DYNC2H1: variants seen among roughly 807,000 people sequenced by gnomAD.
DYNC2H1 encodes the protein cytoplasmic dynein 2 heavy chain 1.
DYNC2H1 carries 410 observed loss-of-function variants against 570.0 expected under a neutral mutation model. The observed-to-expected ratio is 0.72, with a 90% confidence interval of 0.66 to 0.78. DYNC2H1 has a LOEUF of 0.78. Among genes scored for constraint, DYNC2H1 ranks in the 30% least tolerant of loss-of-function variants. The pLI, the probability that DYNC2H1 is intolerant of heterozygous loss-of-function variation, is 0.00. For synonymous variants in DYNC2H1, 1,688 were observed against 1,677.6 expected (o/e 1.01, Z -0.15); for missense variants, 4,865 against 5,046.4 (o/e 0.96, Z 1.09).
intron 40 of DYNC2H1, among the ~76,000 whole-genome samples, chr11:103,184,196 A>C (rs886550404): frequency 6.6e-6 from 1 of 151,908 alleles, no homozygotes; most frequent in Non-Finnish European, 1.5e-5. Context: ...CTCTTACCAC[A>C]ATTTGTTAAC....
At chr11:103,210,369 T>A (rs1211477194) in intron 53 of DYNC2H1, among the ~76,000 whole-genome samples, 9 of 151,996 alleles carry the variant, frequency 5.9e-5, no homozygotes, top group African/African-American at 1.7e-4. Context: ...CTTAATCTTC[T>A]TAACTATAAT....
rs774551570 is a variant in DYNC2H1, at chr11:103,173,325, A to ATATTTT, written c.5558+24_5558+29dup. The ATATTTT allele has an allele frequency of 6.9e-7, 1 of 1,439,986 alleles. No homozygotes were observed. The highest frequency in any genetic ancestry group is 1.5e-5 in the South Asian group (1 of 67,890). The allele number at this position is 1,439,986 out of a possible 1,614,324, so 89.2% of individuals were successfully genotyped here. A position where few individuals can be genotyped will look rare whatever the true frequency, so the allele number is the denominator to read the frequency against. ...ATCTAGGTGAGTTTTCTTGTTCTAA[A>ATATTTT]TATTTTTATATTTTACATTTCTAAT... On this transcript the variant is annotated intron_variant, in intron 35 of 88. Transcript: ENST00000375735.
intron 86 of DYNC2H1, 47 bp from the exon 87 acceptor site, chr11:103,456,228 A>T: frequency 6.9e-7 from 1 of 1,440,736 alleles, no homozygotes; most frequent in South Asian, 1.3e-5. Context: ...TCATATTTTA[A>T]TTCCTAAGGA....
Position 103,164,177 on chromosome 11 carries a change from G to A in DYNC2H1, c.4611+1030G>A, listed in dbSNP as rs551502121. 7.2e-5 allele frequency among the ~76,000 whole-genome samples: 11 copies of A among 151,826 alleles called. No homozygotes were observed. In the South Asian group the frequency reaches 2.1e-3, roughly 29 times the overall value. The stretch of plus-strand genomic sequence containing the variant: ...AAATCAACTTAGAATAAAAGACACA[G>A]TATACAAAAAGTCTACAAAAGCAAT... On this transcript the variant is annotated intron_variant, in intron 30 of 88. Transcript: ENST00000375735.
chr11:103,288,706 A>AAAAAAAG (rs1866457408), intron 75 of DYNC2H1, among the ~76,000 whole-genome samples: 3 of 147,650 alleles, frequency 2.0e-5, no homozygotes, highest in Non-Finnish European at 4.5e-5. Flanking sequence ...AAAAAAAAAA[A>AAAAAAAG]AAAAGAAAAG....
At chr11:103,460,454 A>G (rs377246146) in intron 87 of DYNC2H1, among the ~76,000 whole-genome samples, 1 of 137,298 alleles carries the variant, frequency 7.3e-6, no homozygotes, top group East Asian at 2.4e-4. Flanking sequence ...CCAAGCTTAT[A>G]TAATTGTTTT....
At position 103,288,904 on chromosome 11, in the gene DYNC2H1, A is replaced by T. The variant is rs150148500; in HGVS notation, c.11095+1299A>T. Among the ~76,000 whole-genome samples, 560 of 151,084 alleles carry T rather than the reference A, an allele frequency of 3.7e-3. 8 individuals are homozygous for T. The highest frequency in any genetic ancestry group is 0.013 in the African/African-American group (537 of 41,166). On this transcript the variant is annotated intron_variant, in intron 75 of 88. Transcript: ENST00000375735. ...TCAAAAAAAAAAAAAAAAGAAAGAA[A>T]ATTATGGTTTAGGGGTCATGCAGCC... is the stretch of plus-strand genomic sequence containing the variant.
chr11:103,401,929 A>T (rs1565566043), intron 84 of DYNC2H1: 1 of 152,166 alleles, frequency 6.6e-6, no homozygotes. Flanking sequence ...GGAATAAGAT[A>T]TTTCAAGATG....
intron 83 of DYNC2H1, among the ~76,000 whole-genome samples, chr11:103,375,307 A>T (rs1177653552): frequency 6.6e-6 from 1 of 152,160 alleles, no homozygotes; most frequent in Admixed American, 6.5e-5. Context: ...CCTCTTGGAG[A>T]ACCTCTGCTA....
intron 82 of DYNC2H1, among the ~76,000 whole-genome samples, chr11:103,328,821 C>A (rs555484650): frequency 1.3e-5 from 2 of 152,286 alleles, no homozygotes; most frequent in South Asian, 4.1e-4. Flanking sequence ...CTCTTTTCCT[C>A]AACTTTTCCA....
intron 82 of DYNC2H1, among the ~76,000 whole-genome samples, chr11:103,349,681 AG>A (rs1383908824): frequency 3.9e-5 from 6 of 152,166 alleles, no homozygotes; most frequent in Non-Finnish European, 8.8e-5. Context: ...CTTCGGTGAC[AG>A]GTTCATTCTC....
rs1475967791 is a variant in DYNC2H1, at chr11:103,420,112, A to T, written c.12367-15831A>T. Among the ~76,000 whole-genome samples, 4 of 152,130 alleles carry T rather than the reference A, an allele frequency of 2.6e-5. No homozygotes were observed. The East Asian group carries it at 7.7e-4, about 29-fold the overall frequency. The stretch of plus-strand genomic sequence containing the variant: ...AAAAAGAATGGAAAGGAATGAATAA[A>T]ACCTCCGAGAAATATGGGGCTATGT... On this transcript the variant is annotated intron_variant, in intron 84 of 88. Coordinates refer to ENST00000375735, the MANE Select transcript of DYNC2H1 (RefSeq NM_001377.3).
In DYNC2H1 at chr11:103,135,896, G is replaced by A; in HGVS notation, c.2522G>A (p.Ser841Asn). The A allele has an allele frequency of 6.2e-7, 1 of 1,612,844 alleles. No homozygotes were observed. The highest frequency in any genetic ancestry group is 1.3e-5 in the African/African-American group (1 of 75,010). ...GCAAGTGGATTTTTGACGATTTTCA[G>A]CAAAGCAGAAGATCTGTTTAGAAGA... ...RNASGFLTIF[S>N]KAEDLFRRLS... The change falls in exon 17 of 89, where the codon AGC (serine) becomes AAC (asparagine). Residue 841 changes from serine to asparagine, a missense_variant. Coordinates refer to ENST00000375735, the MANE Select transcript of DYNC2H1 (RefSeq NM_001377.3).
chr11:103,113,723 G>A lies in DYNC2H1; in HGVS notation c.366+16G>A, dbSNP rs753256254. 51 of 1,487,816 alleles carry A rather than the reference G, an allele frequency of 3.4e-5. No homozygotes were observed. The highest frequency in any genetic ancestry group is 4.5e-5 in the Non-Finnish European group (51 of 1,125,318). 92.2% of individuals were successfully genotyped at this position (1,487,816 alleles called of 1,614,324 possible). ...GTTGTTAAAGGTGAGAAAAGAAGCTGTCATTTTTTTTAACTGAGGTATTTG... is the reference window on the plus strand; with the variant it reads ...GTTGTTAAAGGTGAGAAAAGAAGCTATCATTTTTTTTAACTGAGGTATTTG... On this transcript the variant is annotated intron_variant, in intron 2 of 88. Coordinates refer to ENST00000375735, the MANE Select transcript of DYNC2H1 (RefSeq NM_001377.3).
intron 34 of DYNC2H1, among the ~76,000 whole-genome samples, chr11:103,172,661 T>A (rs750596108): frequency 1.1e-4 from 17 of 152,112 alleles, no homozygotes; most frequent in Non-Finnish European, 1.9e-4. Context: ...TGCCTCTCTG[T>A]AATACCAGAT....
chr11:103,448,594 C>T (rs1054846119), intron 85 of DYNC2H1, among the ~76,000 whole-genome samples: 2 of 152,128 alleles, frequency 1.3e-5, no homozygotes, highest in Non-Finnish European at 2.9e-5. Flanking sequence ...ACTCAATCCA[C>T]AGTAGAAGAG....
At chr11:103,215,117 T>C (rs575851310) in intron 54 of DYNC2H1, among the ~76,000 whole-genome samples, 4 of 152,302 alleles carry the variant, frequency 2.6e-5, no homozygotes, top group African/African-American at 9.6e-5. Flanking sequence ...TTTGACTTCC[T>C]CTTTTCCAAT....
chr11:103,361,018 T>C (rs1387958769), intron 83 of DYNC2H1, among the ~76,000 whole-genome samples: 1 of 152,096 alleles, frequency 6.6e-6, no homozygotes, highest in Non-Finnish European at 1.5e-5. Context: ...CATACACAAA[T>C]TCCCAGAGAA....
intron 54 of DYNC2H1, among the ~76,000 whole-genome samples, chr11:103,215,204 G>A (rs1188312799): frequency 3.9e-5 from 6 of 152,170 alleles, no homozygotes; most frequent in African/African-American, 1.4e-4. Flanking sequence ...TAGGAGTGGT[G>A]AAAGTGGGCA....
Sources: allele counts gnomAD v4.1 joint callset (sites outside exome capture counted in the v4.1 genomes callset), GRCh38; gene constraint gnomAD v4.1.1; transcripts MANE v1.5; gene names NCBI Gene and HGNC (gene_info 2026-07-23, HGNC 2026-07-21).